WDR26: variants seen among roughly 807,000 people sequenced by gnomAD.
WDR26 encodes the protein WD repeat domain 26.
WDR26 carries 5 observed loss-of-function variants against 84.1 expected under a neutral mutation model. The observed-to-expected ratio is 0.06, with a 90% CI of 0.03 to 0.13. The LOEUF is 0.13. Ranked by LOEUF, WDR26 falls within the 10% of genes least tolerant of loss-of-function variation. The pLI is 1.00. For synonymous variants in WDR26, 415 were observed against 389.6 expected, an observed-to-expected ratio of 1.07 and a Z score of -0.77; for missense variants, 642 against 974.9, an observed-to-expected ratio of 0.66 and a Z score of 4.55.
intron 7 of WDR26, among the ~76,000 whole-genome samples, chr1:224,405,347 T>G (rs970076960): frequency 5.3e-5 from 8 of 152,248 alleles, no homozygotes; most frequent in African/African-American, 1.7e-4. Flanking sequence ...GGACTGTTTC[T>G]CTACTTTTTG....
Position 224,404,423 on chromosome 1 carries a change from C to T in WDR26, c.1599+7G>A, listed in dbSNP as rs112841199. On this transcript the variant is annotated splice_region_variant and intron_variant, in intron 8 of 13. Transcript: ENST00000414423. ...TAAAAGCTCAACCAAAGATGGAACT[C>T]GCTCACTTGTACATTCCAAAGCCAA... is the stretch of plus-strand genomic sequence containing the variant. 16 of 1,611,854 alleles carry T rather than the reference C, an allele frequency of 9.9e-6. No homozygotes were observed. The highest frequency in any genetic ancestry group is 4.5e-5 in the East Asian group (2 of 44,864).
intron 13 of WDR26, among the ~76,000 whole-genome samples, chr1:224,390,061 A>G (rs1399794292): frequency 6.6e-6 from 1 of 152,236 alleles, no homozygotes; most frequent in Non-Finnish European, 1.5e-5. Context: ...CTTAGACCAT[A>G]TATTATGATC....
chr1:224,398,473 T>A lies in WDR26; in HGVS notation c.1944+42A>T, dbSNP rs577019695. ...AAAATAACAGTTAAAATAAAACTTG[T>A]ACTAAGCCAAATTTTTCAGAAAATT... On this transcript the variant is annotated intron_variant, in intron 11 of 13. Transcript: ENST00000414423. The A allele has an allele frequency of 3.6e-5, 55 of 1,529,048 alleles. 2 individuals carry two copies. The South Asian group carries it at 6.1e-4, about 17-fold the overall frequency. 94.7% of individuals were successfully genotyped at this position (1,529,048 alleles called of 1,614,324 possible).
chr1:224,408,081 CAT>C (rs750802665), intron 7 of WDR26, among the ~76,000 whole-genome samples: 1 of 152,154 alleles, frequency 6.6e-6, no homozygotes, highest in Non-Finnish European at 1.5e-5. Context: ...GAAACACTGG[CAT>C]AAGAGTCTAA....
rs1397969159 is a variant in WDR26, at chr1:224,386,654, A to C, written c.*3181T>G. On this transcript the variant is annotated 3_prime_UTR_variant, in exon 14 of 14. Transcript: ENST00000414423. The stretch of plus-strand genomic sequence containing the variant: ...TTTTTCAGACTAAGAAAATACTGAC[A>C]AAATTGGATTTTTTTCTCCTTTCAA... The C allele has an allele frequency of 6.6e-6, 1 of 152,452 alleles. No homozygotes were observed. The highest frequency in any genetic ancestry group is 1.5e-5 in the Non-Finnish European group (1 of 68,030). The allele number at this position is 152,452 out of a possible 1,614,324, so 9.4% of individuals were successfully genotyped here.
chr1:224,404,311 A>T (rs1199160484), intron 8 of WDR26, 119 bp downstream of exon 8: 1 of 1,214,004 alleles, frequency 8.2e-7, no homozygotes, highest in Non-Finnish European at 1.1e-6. Context: ...TAACTAAGAG[A>T]TACAGTATAG....
At chr1:224,392,154 G>A (rs1201919854) in intron 13 of WDR26, among the ~76,000 whole-genome samples, 1 of 152,154 alleles carries the variant, frequency 6.6e-6, no homozygotes, top group Non-Finnish European at 1.5e-5. Context: ...GAGGTCAGGA[G>A]ATCGAGACCA....
intron 6 of WDR26, among the ~76,000 whole-genome samples, chr1:224,411,923 C>G (rs1216150401): frequency 6.6e-6 from 1 of 151,980 alleles, no homozygotes; most frequent in East Asian, 1.9e-4. Context: ...ATTGCTTGAG[C>G]CTGGGAGTTA....
intron 7 of WDR26, among the ~76,000 whole-genome samples, chr1:224,405,027 C>T (rs1188193160): frequency 6.6e-6 from 1 of 152,124 alleles, no homozygotes; most frequent in Non-Finnish European, 1.5e-5. Flanking sequence ...ATCACACCAT[C>T]TAATTTTTAG....
chr1:224,390,024 C>G (rs1283708495), intron 13 of WDR26, among the ~76,000 whole-genome samples, 164 bp from the exon 14 acceptor site: 1 of 152,170 alleles, frequency 6.6e-6, no homozygotes, highest in East Asian at 1.9e-4. Flanking sequence ...TTTCATCATA[C>G]TCATTAAAAC....
At chr1:224,399,259 T>C (rs1171137351) in intron 9 of WDR26, among the ~76,000 whole-genome samples, 2 of 152,174 alleles carry the variant, frequency 1.3e-5, no homozygotes, top group East Asian at 3.8e-4. Flanking sequence ...AGACACTTTG[T>C]AGCTCTATCT....
chr1:224,397,323 G>C (rs1285690647), intron 12 of WDR26, among the ~76,000 whole-genome samples: 1 of 152,096 alleles, frequency 6.6e-6, no homozygotes, highest in Non-Finnish European at 1.5e-5. Flanking sequence ...TGCTTTTATA[G>C]TACCTAGAAA....
At chr1:224,414,244 T>C (rs1673828041) in intron 6 of WDR26, among the ~76,000 whole-genome samples, 1 of 151,958 alleles carries the variant, frequency 6.6e-6, no homozygotes, top group African/African-American at 2.4e-5. Context: ...CAGCTGGGAT[T>C]ACAGGCACCC....
At chr1:224,426,700 T>G (rs1159124596) in intron 3 of WDR26, among the ~76,000 whole-genome samples, 1 of 151,884 alleles carries the variant, frequency 6.6e-6, no homozygotes, top group African/African-American at 2.4e-5. Context: ...AAAAGAATTT[T>G]ATATTTGAAG....
intron 9 of WDR26, 103 bp from the exon 10 acceptor site, chr1:224,399,137 T>A: frequency 1.7e-6 from 2 of 1,175,542 alleles, no homozygotes; most frequent in Non-Finnish European, 2.3e-6. Flanking sequence ...GTAACAGGTT[T>A]TTTTTTTTTC....
chr1:224,422,213 G>A (rs1674083985), intron 4 of WDR26, among the ~76,000 whole-genome samples: 1 of 152,102 alleles, frequency 6.6e-6, no homozygotes, highest in Admixed American at 6.6e-5. Context: ...ATGCCTTAAG[G>A]GGTGGCAAGT....
intron 13 of WDR26, among the ~76,000 whole-genome samples, chr1:224,390,292 G>C (rs1364378438): frequency 1.3e-5 from 2 of 152,124 alleles, no homozygotes; most frequent in Non-Finnish European, 2.9e-5. Context: ...GCTACTTTTT[G>C]TATTTTTTGT....
At position 224,398,070 on chromosome 1, in the gene WDR26, A is replaced by G. The variant is rs185963646; in HGVS notation, c.2074+27T>C. ...GATTTACAGACTTTAATATCAACATATGTAAACTGATAAGGACACAATTTA... is the reference window on the plus strand; with the variant it reads ...GATTTACAGACTTTAATATCAACATGTGTAAACTGATAAGGACACAATTTA... On this transcript the variant is annotated intron_variant, in intron 12 of 13. Transcript: ENST00000414423. 1.9e-6 allele frequency: 3 copies of G among 1,607,958 alleles called. No individual in the cohort carries two copies. The South Asian group carries it at 3.3e-5, about 18-fold the overall frequency.
chr1:224,418,563 A>G, intron 5 of WDR26, 147 bp from the exon 6 acceptor site: 1 of 673,984 alleles, frequency 1.5e-6, no homozygotes, highest in Non-Finnish European at 2.3e-6. Context: ...GCGATACGTG[A>G]GCTTTACGAA....
Sources: allele counts gnomAD v4.1 joint callset (sites outside exome capture counted in the v4.1 genomes callset), GRCh38; gene constraint gnomAD v4.1.1; transcripts MANE v1.5; gene names NCBI Gene and HGNC (gene_info 2026-07-23, HGNC 2026-07-21).